Variants in CDH4 observed in about 807,000 individuals in gnomAD.
CDH4 encodes the protein cadherin-4.
In CDH4, 33 loss-of-function variants were observed where a neutral mutation model predicts 86.0. The observed-to-expected ratio is 0.38, with a 90% confidence interval of 0.29 to 0.51. The LOEUF (loss-of-function observed/expected upper bound fraction) is 0.51, where lower values mean the gene tolerates loss of function less well. CDH4 is among the 20% of genes least tolerant of loss of function. The probability of loss-of-function intolerance (pLI) is 0.86; values close to 1 mark genes in which losing one functional copy is unlikely to be tolerated. For missense variants in CDH4, 1,114 were observed against 1,307.4 expected, an observed-to-expected ratio of 0.85 and a Z score of 2.28; for synonymous variants, 555 against 549.4, an observed-to-expected ratio of 1.01 and a Z score of -0.14.
At chr20:61,522,268 C>T (rs534518388) in intron 2 of CDH4, among the ~76,000 whole-genome samples, 163 of 152,184 alleles carry the variant, frequency 1.1e-3, no homozygotes, top group African/African-American at 3.8e-3. Context: ...GTGGAGAGGC[C>T]GGATCGGGAA....
intron 2 of CDH4, among the ~76,000 whole-genome samples, chr20:61,339,637 A>G (rs2065573762): frequency 1.3e-5 from 2 of 152,214 alleles, no homozygotes; most frequent in African/African-American, 4.8e-5. Flanking sequence ...GGTCATGCAG[A>G]AAGCTGTGAG....
At chr20:61,839,711 G>T (rs532232721) in intron 4 of CDH4, among the ~76,000 whole-genome samples, 1 of 151,498 alleles carries the variant, frequency 6.6e-6, no homozygotes. Context: ...TTGTTTATGC[G>T]TTTGTGTATT....
rs2084993606 is a variant in CDH4 at position 61,392,782 on chromosome 20, T to C, written c.169+137845T>C. Among the ~76,000 whole-genome samples the C allele has an allele frequency of 1.3e-5, 2 of 152,222 alleles. No individual in the cohort carries two copies. The highest frequency in any genetic ancestry group is 1.5e-5 in the Non-Finnish European group (1 of 68,038). On this transcript the variant is annotated intron_variant, in intron 2 of 15. Transcript: ENST00000614565. This position sits in a 1 kb window ranked among gnomAD's most constrained non-coding sequence, Gnocchi z 5.7. ...AACTCGGTATTGCACATTTATTTCCTAGCGGGGTAGAAACACTGGCCCCCC... is the reference window on the plus strand; with the variant it reads ...AACTCGGTATTGCACATTTATTTCCCAGCGGGGTAGAAACACTGGCCCCCC...
intron 4 of CDH4, among the ~76,000 whole-genome samples, chr20:61,796,556 G>A (rs1176652112): frequency 1.3e-5 from 2 of 152,186 alleles, no homozygotes; most frequent in African/African-American, 2.4e-5. Context: ...AGTGGCCCCC[G>A]ACCATTGCTC....
At chr20:61,924,133 T>C (rs1298148300) in intron 10 of CDH4, among the ~76,000 whole-genome samples, 2 of 145,438 alleles carry the variant, frequency 1.4e-5, no homozygotes, top group Non-Finnish European at 3.0e-5. Context: ...GCGTGGCCTG[T>C]CCTGTTGTGG....
Position 61,726,597 on chromosome 20 carries a change from T to C in CDH4, c.170-16966T>C, listed in dbSNP as rs945288002. Among the ~76,000 whole-genome samples, 265 of 152,112 alleles carry C rather than the reference T, an allele frequency of 1.7e-3. 1 individual carries two copies. The highest frequency in any genetic ancestry group is 6.1e-3 in the African/African-American group (254 of 41,504). On this transcript the variant is annotated intron_variant, in intron 2 of 15. Transcript: ENST00000614565. ...ATCATCATTATGCCATCACCACCAT[T>C]GCTGCCATCATCACCATCACTGCCA... is the stretch of plus-strand genomic sequence containing the variant.
intron 6 of CDH4, among the ~76,000 whole-genome samples, chr20:61,873,220 T>C (rs954140339): frequency 6.6e-6 from 1 of 152,196 alleles, no homozygotes; most frequent in Non-Finnish European, 1.5e-5. Flanking sequence ...GAGTCCCTTC[T>C]AGGTTTGTTT....
At chr20:61,730,259 G>A (rs901120813) in intron 2 of CDH4, among the ~76,000 whole-genome samples, 3 of 152,094 alleles carry the variant, frequency 2.0e-5, no homozygotes, top group South Asian at 2.1e-4. Flanking sequence ...ATGGTGACAC[G>A]GAGCCACCAC....
intron 8 of CDH4, among the ~76,000 whole-genome samples, chr20:61,906,764 T>A (rs2054793578): frequency 6.6e-6 from 1 of 151,442 alleles, no homozygotes; most frequent in Middle Eastern, 3.4e-3. Context: ...GCAGGCTGCT[T>A]TGGGGCAAGA....
intron 2 of CDH4, among the ~76,000 whole-genome samples, chr20:61,602,286 G>A (rs1041747350): frequency 1.3e-5 from 2 of 152,138 alleles, no homozygotes; most frequent in Admixed American, 6.5e-5. Flanking sequence ...ACTACATCAC[G>A]CAGGCAGACA....
At chr20:61,296,278 TGG>T (rs1491523170) in intron 2 of CDH4, among the ~76,000 whole-genome samples, 5 of 32,862 alleles carry the variant, frequency 1.5e-4, no homozygotes, top group Non-Finnish European at 3.9e-4. Context: ...TGTGTGTGCG[TGG>T]GTGCGTGTGT....
rs1257399773 is a variant in CDH4 at position 61,417,242 on chromosome 20, C to G, written c.169+162305C>G. ...TCTCTCTTGGTCGTGCTCTCTCTTC[C>G]CCCTCCCTCTCACTCTTTTCTCCCA... On this transcript the variant is annotated intron_variant, in intron 2 of 15. Coordinates refer to ENST00000614565, the MANE Select transcript of CDH4 (RefSeq NM_001794.5). The surrounding 1 kb of genome is among the most constrained non-coding windows in gnomAD (Gnocchi z 4.0). Among the ~76,000 whole-genome samples, 1 of 151,676 alleles carries G rather than the reference C, an allele frequency of 6.6e-6. No individual in the cohort carries two copies. Among genetic ancestry groups the G allele is most frequent in the Non-Finnish European group, 1.5e-5 (1 of 67,924 alleles).
At chr20:61,542,953 G>A (rs2086051645) in intron 2 of CDH4, among the ~76,000 whole-genome samples, 1 of 152,246 alleles carries the variant, frequency 6.6e-6, no homozygotes, top group Non-Finnish European at 1.5e-5. Flanking sequence ...CCAAAGGCCT[G>A]AGCACCCCTG....
At chr20:61,431,067 T>C (rs1450368198) in intron 2 of CDH4, among the ~76,000 whole-genome samples, 5 of 152,180 alleles carry the variant, frequency 3.3e-5, no homozygotes, top group Admixed American at 2.6e-4. Flanking sequence ...TGCTTGGCTG[T>C]AGCATGCTGG....
intron 2 of CDH4, among the ~76,000 whole-genome samples, chr20:61,734,671 G>A (rs1344154053): frequency 6.6e-6 from 1 of 152,218 alleles, no homozygotes; most frequent in East Asian, 1.9e-4. Context: ...CCAAACAAGG[G>A]GCTGGAGTAG....
At chr20:61,599,477 G>A (rs2086581302) in intron 2 of CDH4, among the ~76,000 whole-genome samples, 1 of 141,222 alleles carries the variant, frequency 7.1e-6, no homozygotes, top group Admixed American at 7.0e-5. Flanking sequence ...TCCAAAGGCC[G>A]ACCCTCCTGA....
chr20:61,607,211 C>T (rs556354351), intron 2 of CDH4, among the ~76,000 whole-genome samples: 23 of 152,182 alleles, frequency 1.5e-4, no homozygotes, highest in Non-Finnish European at 2.9e-4. Flanking sequence ...AATCTGCGCA[C>T]ATATAAAGGT....
At chr20:61,809,051 C>T (rs892843298) in intron 4 of CDH4, among the ~76,000 whole-genome samples, 9 of 152,244 alleles carry the variant, frequency 5.9e-5, no homozygotes, top group South Asian at 2.1e-4. Context: ...CAGCCACAGA[C>T]GCCTGGCACC....
intron 2 of CDH4, among the ~76,000 whole-genome samples, chr20:61,640,058 A>G (rs1391144933): frequency 6.6e-6 from 1 of 152,232 alleles, no homozygotes. Flanking sequence ...AAAGAAAGCC[A>G]TAGATTTGGC....
Sources: allele counts gnomAD v4.1 joint callset (sites outside exome capture counted in the v4.1 genomes callset), GRCh38; gene constraint gnomAD v4.1.1; non-coding constraint Gnocchi (gnomAD v3.1); transcripts MANE v1.5; gene names NCBI Gene and HGNC (gene_info 2026-07-23, HGNC 2026-07-21).